EPC2: variants seen among roughly 807,000 people sequenced by gnomAD.
EPC2 encodes the protein enhancer of polycomb homolog 2.
In EPC2, 14 loss-of-function variants were observed where a neutral mutation model predicts 92.1. The observed-to-expected ratio is 0.15, with a 90% CI of 0.10 to 0.24. EPC2 has a LOEUF of 0.24. EPC2 is among the 10% of genes least tolerant of loss of function. EPC2 has a pLI of 1.00. For missense variants in EPC2, 755 were observed against 971.5 expected (o/e 0.78, Z 2.96); for synonymous variants, 340 against 334.7 (o/e 1.02, Z -0.17).
At chr2:148,700,632 T>C (rs1051989225) in intron 2 of EPC2, among the ~76,000 whole-genome samples, 2 of 152,104 alleles carry the variant, frequency 1.3e-5, no homozygotes, top group African/African-American at 4.8e-5. Context: ...CTGTTTTGTT[T>C]ATAATAGCTT....
chr2:148,727,580 G>A lies in EPC2; in HGVS notation c.314-16042G>A, dbSNP rs554091613. Among the ~76,000 whole-genome samples the A allele has an allele frequency of 4.5e-4, 68 of 152,018 alleles. No homozygotes were observed. In the South Asian group the frequency reaches 6.0e-3, roughly 13 times the overall value. On this transcript the variant is annotated intron_variant, in intron 2 of 13. Coordinates refer to ENST00000258484, the MANE Select transcript of EPC2 (RefSeq NM_015630.4). ...TGTTCTTAGTGGAATTTCTTTTTTTGTATATATAATGTTATTTTAATGTTA... is the reference window on the plus strand; with the variant it reads ...TGTTCTTAGTGGAATTTCTTTTTTTATATATATAATGTTATTTTAATGTTA...
At chr2:148,711,654 G>A (rs754969658) in intron 2 of EPC2, among the ~76,000 whole-genome samples, 1 of 152,064 alleles carries the variant, frequency 6.6e-6, no homozygotes, top group Non-Finnish European at 1.5e-5. Flanking sequence ...TTTGCTTGCT[G>A]TATCTGTCCA....
At chr2:148,733,119 C>G (rs148455250) in intron 2 of EPC2, among the ~76,000 whole-genome samples, 157 of 131,108 alleles carry the variant, frequency 1.2e-3, no homozygotes, top group African/African-American at 3.6e-3. Context: ...GCCGTTAGCT[C>G]CCATCCCTAA....
chr2:148,721,416 T>C (rs1181281920), intron 2 of EPC2, among the ~76,000 whole-genome samples: 1 of 152,168 alleles, frequency 6.6e-6, no homozygotes. Flanking sequence ...TGTGATCTTA[T>C]CTTTGCTCCT....
chr2:148,661,530 C>A (rs1301756287), intron 1 of EPC2, among the ~76,000 whole-genome samples: 1 of 152,132 alleles, frequency 6.6e-6, no homozygotes, highest in African/African-American at 2.4e-5. Flanking sequence ...TTTGCAAATA[C>A]TTCCAATTCT....
rs534819179 is a variant in EPC2 at position 148,704,970 on chromosome 2, C to T, written c.313+14597C>T. The stretch of plus-strand genomic sequence containing the variant: ...TTTTAAGGCAAAGGAATGAATAGTA[C>T]GGGGAACCCAATGTATCTGTCAGCA... On this transcript the variant is annotated intron_variant, in intron 2 of 13. Coordinates refer to ENST00000258484, the MANE Select transcript of EPC2 (RefSeq NM_015630.4). Among the ~76,000 whole-genome samples the T allele has an allele frequency of 1.2e-3, 175 of 150,448 alleles. 1 individual carries two copies. Among genetic ancestry groups the T allele is most frequent in the African/African-American group, 3.8e-3 (156 of 40,934 alleles).
intron 8 of EPC2, among the ~76,000 whole-genome samples, chr2:148,770,466 A>T (rs1683494931): frequency 6.6e-6 from 1 of 152,160 alleles, no homozygotes; most frequent in Non-Finnish European, 1.5e-5. Flanking sequence ...TTACTATGTA[A>T]TTTCACCATC....
intron 2 of EPC2, among the ~76,000 whole-genome samples, chr2:148,735,326 A>T (rs1405688932): frequency 6.6e-6 from 1 of 152,184 alleles, no homozygotes; most frequent in East Asian, 1.9e-4. Context: ...GTGAAACTTT[A>T]CAATTTTTGT....
At chr2:148,700,243 A>C (rs957366571) in intron 2 of EPC2, among the ~76,000 whole-genome samples, 3 of 151,998 alleles carry the variant, frequency 2.0e-5, no homozygotes, top group African/African-American at 4.8e-5. Flanking sequence ...CAGCTTAACA[A>C]TTTTTTTACT....
At chr2:148,744,989 G>GCCTCC (rs770406917) in intron 3 of EPC2, among the ~76,000 whole-genome samples, 1 of 46,358 alleles carries the variant, frequency 2.2e-5, no homozygotes, top group Non-Finnish European at 4.9e-5. Context: ...CTATCAGTTT[G>GCCTCC]CCCCCCCCCC....
chr2:148,761,801 C>T lies in EPC2; in HGVS notation c.686C>T (p.Ala229Val), dbSNP rs752230178. The T allele has an allele frequency of 2.6e-6, 4 of 1,534,242 alleles. No individual in the cohort carries two copies. The highest frequency in any genetic ancestry group is 3.5e-6 in the Non-Finnish European group (4 of 1,143,078). Residue 229 changes from alanine (A) to valine (V), a missense_variant, in exon 5 of 14, where the codon GCC becomes GTC. Coordinates refer to ENST00000258484, the MANE Select transcript of EPC2 (RefSeq NM_015630.4). ...QTRKNRKNDE[A>V]SYEKMLKLRR... ...TAATAGAATCGTAAGAATGATGAAG[C>T]CTCTTATGAAAAGATGTTGAAACTG... is the stretch of plus-strand genomic sequence containing the variant.
At chr2:148,707,442 G>C (rs1268048406) in intron 2 of EPC2, among the ~76,000 whole-genome samples, 1 of 152,126 alleles carries the variant, frequency 6.6e-6, no homozygotes, top group African/African-American at 2.4e-5. Context: ...AAATCAACAA[G>C]ACAGAAGGTT....
chr2:148,705,512 A>G (rs1272135519), intron 2 of EPC2, among the ~76,000 whole-genome samples: 1 of 152,104 alleles, frequency 6.6e-6, no homozygotes, highest in Non-Finnish European at 1.5e-5. Context: ...CTGAGAATGG[A>G]CAGACCACCT....
chr2:148,716,005 C>T (rs1305436601), intron 2 of EPC2, among the ~76,000 whole-genome samples: 6 of 152,060 alleles, frequency 3.9e-5, no homozygotes, highest in East Asian at 1.9e-4. Flanking sequence ...TGAGTTCATT[C>T]GTGATTTGGC....
At chr2:148,690,503 A>G (rs1681624787) in intron 2 of EPC2, 130 bp downstream of exon 2, 8 of 825,128 alleles carry the variant, frequency 9.7e-6, no homozygotes, top group Admixed American at 3.2e-5. Flanking sequence ...GTTAAACATT[A>G]AAGAATAAAA....
chr2:148,744,927 C>T (rs1330189445), intron 3 of EPC2, among the ~76,000 whole-genome samples: 1 of 143,882 alleles, frequency 7.0e-6, no homozygotes, highest in Non-Finnish European at 1.5e-5. Flanking sequence ...TAAGGCATTA[C>T]AAGCTCTTCA....
chr2:148,690,452 A>T (rs1681623826), intron 2 of EPC2, 79 bp downstream of exon 2: 1 of 1,372,532 alleles, frequency 7.3e-7, no homozygotes, highest in Non-Finnish European at 9.8e-7. Flanking sequence ...TGTCTAAAGA[A>T]ATTCTGATTT....
At chr2:148,743,231 C>A (rs561697288) in intron 2 of EPC2, among the ~76,000 whole-genome samples, 1 of 151,754 alleles carries the variant, frequency 6.6e-6, no homozygotes, top group African/African-American at 2.4e-5. Context: ...CCTGTTTTAT[C>A]CTCAGTAATT....
At chr2:148,691,875 A>G (rs1358400018) in intron 2 of EPC2, 1 of 586,860 alleles carries the variant, frequency 1.7e-6, no homozygotes, top group East Asian at 3.6e-5. Context: ...TTGGTAATGT[A>G]TCTTTATTCA....
Sources: gnomAD v4.1 joint callset for allele counts (sites outside exome capture counted in the v4.1 genomes callset) on GRCh38, gnomAD v4.1.1 for gene constraint, MANE v1.5 for transcripts, NCBI Gene and HGNC (gene_info 2026-07-23, HGNC 2026-07-21) for gene names.